ADAMTS4: variants seen among roughly 807,000 people sequenced by gnomAD.
ADAMTS4 encodes ADAM metallopeptidase with thrombospondin type 1 motif 4.
In ADAMTS4, 38 loss-of-function variants were observed where a neutral mutation model predicts 66.7. The observed-to-expected ratio is 0.57, with a 90% CI of 0.44 to 0.75. The LOEUF (loss-of-function observed/expected upper bound fraction) is 0.75. Among genes scored for constraint, ADAMTS4 ranks in the 30% least tolerant of loss-of-function variants. ADAMTS4 has a pLI of 0.00. For missense variants in ADAMTS4, 1,014 were observed against 1,116.7 expected (o/e 0.91, Z 1.31); for synonymous variants, 418 against 461.5 (o/e 0.91, Z 1.21).
rs1664656003 is a variant in ADAMTS4 at position 161,190,949 on chromosome 1, A to G, written c.*189T>C. ...GTCAGCCCCTTCCATCCACTAACCC[A>G]TCACTGCCTCCCAGGGCAGGAAACC... is the stretch of plus-strand genomic sequence containing the variant. On this transcript the variant is annotated 3_prime_UTR_variant, in exon 9 of 9. Transcript: ENST00000367996. 1.6e-6 allele frequency: 1 copy of G among 616,270 alleles called. No homozygotes were observed. Among genetic ancestry groups the G allele is most frequent in the Non-Finnish European group, 2.7e-6 (1 of 376,364 alleles). 38.2% of individuals were successfully genotyped at this position (616,270 alleles called of 1,614,324 possible).
In ADAMTS4 at chr1:161,184,756, C is replaced by T. The variant is rs1664506662; in HGVS notation, c.*6382G>A. ...TGTGTTGGCCAGGCACCCTGGCTCA[C>T]ACCTGTAATCCCAGCACTTTGGGAG... On this transcript the variant is annotated 3_prime_UTR_variant, in exon 9 of 9. Transcript: ENST00000367996. The T allele has an allele frequency of 6.6e-6, 1 of 152,160 alleles. No individual in the cohort carries two copies. Among genetic ancestry groups the T allele is most frequent in the Non-Finnish European group, 1.5e-5 (1 of 68,038 alleles). The allele number at this position is 152,160 out of a possible 1,614,324, so 9.4% of individuals were successfully genotyped here. A position where few individuals can be genotyped will look rare whatever the true frequency, so the allele number is the denominator to read the frequency against.
intron 3 of ADAMTS4, 135 bp from the exon 4 acceptor site, chr1:161,195,770 A>G (rs909280652): frequency 1.6e-5 from 13 of 830,974 alleles, no homozygotes; most frequent in Middle Eastern, 3.3e-4. Context: ...CCTTTCCTTT[A>G]TGGTACTCTC....
chr1:161,193,341 C>T lies in ADAMTS4; in HGVS notation c.1783G>A (p.Asp595Asn), dbSNP rs1664727065. Residue 595 changes from aspartate (D) to asparagine (N), a missense_variant, in exon 7 of 9, where the codon GAC (aspartate) becomes AAC (asparagine). Coordinates refer to ENST00000367996, the MANE Select transcript of ADAMTS4 (RefSeq NM_005099.6). This position sits in a 1 kb window ranked among gnomAD's most constrained non-coding sequence, Gnocchi z 4.4. ...EQCAAYNHRT[D>N]LFKSFPGPMD... ...GGCCCTGGGAAGCTCTTGAAGAGGT[C>T]GGTGCGGTGGTTGTAGGCAGCACAC... is the stretch of plus-strand genomic sequence containing the variant. The T allele has an allele frequency of 8.1e-6, 13 of 1,613,982 alleles. No individual in the cohort carries two copies. Among genetic ancestry groups the T allele is most frequent in the East Asian group, 4.5e-5 (2 of 44,882 alleles).
rs781152168 is a variant in ADAMTS4 at position 161,191,608 on chromosome 1, C to T, written c.2088-44G>A. On this transcript the variant is annotated intron_variant, in intron 8 of 8. Coordinates refer to ENST00000367996, the MANE Select transcript of ADAMTS4 (RefSeq NM_005099.6). ...TGGGGAGCTCAGGATCACCTGAATC[C>T]CCTCAGCCTTCTGAGCTGTGCTTAT... is the stretch of plus-strand genomic sequence containing the variant. 9 of 1,547,158 alleles carry T rather than the reference C, an allele frequency of 5.8e-6. No homozygotes were observed. The African/African-American group carries it at 8.1e-5, about 14-fold the overall frequency.
At position 161,184,320 on chromosome 1, in the gene ADAMTS4, C is replaced by A. The variant is rs2102006480; in HGVS notation, c.*6818G>T. 1 of 152,288 alleles carries A rather than the reference C, an allele frequency of 6.6e-6. No homozygotes were observed. The highest frequency in any genetic ancestry group is 3.4e-3 in the Middle Eastern group (1 of 294). 9.4% of individuals were successfully genotyped at this position (152,288 alleles called of 1,614,324 possible). A position where few individuals can be genotyped will look rare whatever the true frequency, so the allele number is the denominator to read the frequency against. The stretch of plus-strand genomic sequence containing the variant: ...AGAGATATAAGGAAAGGAGAACTGG[C>A]CTTTATTGACCACTTACTAAAAGCC... On this transcript the variant is annotated 3_prime_UTR_variant, in exon 9 of 9. Coordinates refer to ENST00000367996, the MANE Select transcript of ADAMTS4 (RefSeq NM_005099.6).
Position 161,193,966 on chromosome 1 carries a change from C to A in ADAMTS4, c.1517G>T (p.Cys506Phe). Residue 506 changes from cysteine (C) to phenylalanine (F), a missense_variant, in exon 5 of 9, where the codon TGC (cysteine) becomes TTC (phenylalanine). Coordinates refer to ENST00000367996, the MANE Select transcript of ADAMTS4 (RefSeq NM_005099.6). The surrounding 1 kb of genome is among the most constrained non-coding windows in gnomAD (Gnocchi z 4.4). ...GTCCTGGAGCTGGTCCATGTGGAGG[C>A]AGCGACCACCCATGCAGGCCTGTGC... ...GPAQACMGGR[C>F]LHMDQLQDFN... 1 of 1,593,730 alleles carries A rather than the reference C, an allele frequency of 6.3e-7. No homozygotes were observed. The highest frequency in any genetic ancestry group is 8.6e-7 in the Non-Finnish European group (1 of 1,166,606).
chr1:161,185,746 T>C lies in ADAMTS4; in HGVS notation c.*5392A>G, dbSNP rs1664530904. 1 of 152,194 alleles carries C rather than the reference T, an allele frequency of 6.6e-6. No homozygotes were observed. Among genetic ancestry groups the C allele is most frequent in the Non-Finnish European group, 1.5e-5 (1 of 68,036 alleles). The allele number at this position is 152,194 out of a possible 1,614,324, so 9.4% of individuals were successfully genotyped here. A position where few individuals can be genotyped will look rare whatever the true frequency, so the allele number is the denominator to read the frequency against. On this transcript the variant is annotated 3_prime_UTR_variant, in exon 9 of 9. Transcript: ENST00000367996. ...TGTATGAAGATTACAGAAATGAGAC[T>C]AGAGATGGAAGAGAAGTGTAAATGC...
At position 161,192,108 on chromosome 1, in the gene ADAMTS4, C is replaced by T. The variant is rs3134667; in HGVS notation, c.2044G>A (p.Gly682Ser). The T allele has an allele frequency of 4.3e-5, 70 of 1,613,950 alleles. No homozygotes were observed. In the East Asian group the frequency reaches 1.1e-3, roughly 25 times the overall value. ...FDKCMVCGGD[G>S]SGCSKQSGSF... ...CCTGACTGCTTGCTGCAACCAGAACCGTCCCCTCCGCACACCATGCACTTG... is the reference window on the plus strand; with the variant it reads ...CCTGACTGCTTGCTGCAACCAGAACTGTCCCCTCCGCACACCATGCACTTG... The change falls in exon 8 of 9, where the codon GGT becomes AGT. Residue 682 changes from glycine to serine, a missense_variant. Transcript: ENST00000367996.
In ADAMTS4 at chr1:161,192,104, GA is replaced by G; in HGVS notation, c.2047del (p.Ser683LeufsTer47). On this transcript the variant is annotated frameshift_variant, in exon 8 of 9. Transcript: ENST00000367996. LOFTEE classifies it low-confidence loss of function (END_TRUNC). ...GGAGCCTGACTGCTTGCTGCAACCAGAACCGTCCCCTCCGCACACCATGCAC... is the reference window on the plus strand; with the variant it reads ...GGAGCCTGACTGCTTGCTGCAACCAGACCGTCCCCTCCGCACACCATGCAC... ...DKCMVCGGDG[S>X]GCSKQSGSFR... is the part of the protein sequence containing the mutation. The G allele has an allele frequency of 6.2e-7, 1 of 1,614,078 alleles. No individual in the cohort carries two copies. Among genetic ancestry groups the G allele is most frequent in the Non-Finnish European group, 8.5e-7 (1 of 1,180,032 alleles).
At position 161,198,490 on chromosome 1, in the gene ADAMTS4, C is replaced by T; in HGVS notation, c.138G>A (p.Leu46=). 6.4e-7 allele frequency: 1 copy of T among 1,568,106 alleles called. No individual in the cohort carries two copies. The highest frequency in any genetic ancestry group is 1.2e-5 in the South Asian group (1 of 85,996). Reference sequence around the variant, plus strand: ...GGGGGCTGGCCAGCCGGGCTGAGGGCAGGAGAGAGGCCAGCAGTAGCAGAA... The same window carrying T: ...GGGGGCTGGCCAGCCGGGCTGAGGGTAGGAGAGAGGCCAGCAGTAGCAGAA... ...WLLLLLLASL[L]PSARLASPLP... Residue 46 remains leucine, a synonymous_variant, in exon 1 of 9, where the codon CTG becomes CTA. Coordinates refer to ENST00000367996, the MANE Select transcript of ADAMTS4 (RefSeq NM_005099.6). The surrounding 1 kb of genome is among the most constrained non-coding windows in gnomAD (Gnocchi z 4.7).
rs1196395275 is a variant in ADAMTS4, at chr1:161,186,879, T to C, written c.*4259A>G. ...AGCTGGGTGTGGTAGCTCGTGCCTG[T>C]AGTCCTAGGTACTCAGGAGGTTGAG... On this transcript the variant is annotated 3_prime_UTR_variant, in exon 9 of 9. Transcript: ENST00000367996. 1 of 152,038 alleles carries C rather than the reference T, an allele frequency of 6.6e-6. No homozygotes were observed. Among genetic ancestry groups the C allele is most frequent in the African/African-American group, 2.4e-5 (1 of 41,386 alleles). The allele number at this position is 152,038 out of a possible 1,614,324, so 9.4% of individuals were successfully genotyped here.
intron 1 of ADAMTS4, 98 bp downstream of exon 1, chr1:161,197,897 G>A (rs1224899447): frequency 5.4e-6 from 8 of 1,487,778 alleles, no homozygotes; most frequent in East Asian, 4.6e-5. Context: ...GAAGCAGAAC[G>A]GCCAGAAGTG....
Position 161,194,310 on chromosome 1 carries a change from G to A in ADAMTS4, c.1262-89C>T. On this transcript the variant is annotated intron_variant, in intron 4 of 8. Transcript: ENST00000367996. The surrounding 1 kb of genome is among the most constrained non-coding windows in gnomAD (Gnocchi z 4.1). ...AGAAAGCTTAGGCTCCCTGGGGCCT[G>A]ATGGAGCCTAGAAAAACAATCCTAG... 7.9e-7 allele frequency: 1 copy of A among 1,267,954 alleles called. No individual in the cohort carries two copies. Among genetic ancestry groups the A allele is most frequent in the Non-Finnish European group, 1.1e-6 (1 of 908,284 alleles). 78.5% of individuals were successfully genotyped at this position (1,267,954 alleles called of 1,614,324 possible). A position where few individuals can be genotyped will look rare whatever the true frequency, so the allele number is the denominator to read the frequency against.
rs747959527 is a variant in ADAMTS4 at position 161,198,348 on chromosome 1, G to T, written c.280C>A (p.Leu94Ile). 16 of 1,613,168 alleles carry T rather than the reference G, an allele frequency of 9.9e-6. No individual in the cohort carries two copies. The highest frequency in any genetic ancestry group is 1.3e-5 in the African/African-American group (1 of 74,934). The change falls in exon 1 of 9, where the codon CTA becomes ATA. Residue 94 changes from leucine (L) to isoleucine (I), a missense_variant. Physicochemically the swap from Leu to Ile is conservative, Grantham distance 5. Coordinates refer to ENST00000367996, the MANE Select transcript of ADAMTS4 (RefSeq NM_005099.6). The surrounding 1 kb of genome is among the most constrained non-coding windows in gnomAD (Gnocchi z 4.7). ...ACACCGGAGTCCTGCTCCAGCTCTAGTAGCAGCGTCTCCCCAAAGGCCTGC... is the reference window on the plus strand; with the variant it reads ...ACACCGGAGTCCTGCTCCAGCTCTATTAGCAGCGTCTCCCCAAAGGCCTGC... The part of the protein sequence containing the change: ...RLQAFGETLL[L>I]ELEQDSGVQV...
Position 161,193,100 on chromosome 1 carries a change from G to T in ADAMTS4, c.1911+113C>A. 8.2e-7 allele frequency: 1 copy of T among 1,222,060 alleles called. No homozygotes were observed. The highest frequency in any genetic ancestry group is 1.1e-6 in the Non-Finnish European group (1 of 892,118). The allele number at this position is 1,222,060 out of a possible 1,614,324, so 75.7% of individuals were successfully genotyped here. A position where few individuals can be genotyped will look rare whatever the true frequency, so the allele number is the denominator to read the frequency against. ...TCTGAGTGGAATCCTGGACTGGGCT[G>T]GCGTGGCTGTAGGAACAGGGTTACT... is the stretch of plus-strand genomic sequence containing the variant. On this transcript the variant is annotated intron_variant, in intron 7 of 8. Coordinates refer to ENST00000367996, the MANE Select transcript of ADAMTS4 (RefSeq NM_005099.6). The surrounding 1 kb of genome is among the most constrained non-coding windows in gnomAD (Gnocchi z 4.4).
chr1:161,191,471 C>T lies in ADAMTS4; in HGVS notation c.2181G>A (p.Leu727=), dbSNP rs1346400249. 1 of 1,614,166 alleles carries T rather than the reference C, an allele frequency of 6.2e-7. No homozygotes were observed. The highest frequency in any genetic ancestry group is 1.3e-5 in the African/African-American group (1 of 75,056). ...AGGAGCCATCTGGCAGCTTCAGGGC[C>T]AAGTAGATGCTCCGGTGGCCAGGGT... ...QGNPGHRSIY[L]ALKLPDGSYA... The change falls in exon 9 of 9, where the codon TTG becomes TTA. Residue 727 remains leucine, a synonymous_variant. Coordinates refer to ENST00000367996, the MANE Select transcript of ADAMTS4 (RefSeq NM_005099.6).
rs150301048 is a variant in ADAMTS4, at chr1:161,198,377, C to T, written c.251G>A (p.Arg84His). ...CAGCGTCTCCCCAAAGGCCTGCAAGCGGCACAACAGCCTGGCAGGGGCGCC... is the reference window on the plus strand; with the variant it reads ...CAGCGTCTCCCCAAAGGCCTGCAAGTGGCACAACAGCCTGGCAGGGGCGCC... ...GSGAPARLLCRLQAFGETLLL... is the reference protein window; with the variant it reads ...GSGAPARLLCHLQAFGETLLL... The change falls in exon 1 of 9, where the codon CGC becomes CAC. Residue 84 changes from arginine (R) to histidine (H), a missense_variant. Coordinates refer to ENST00000367996, the MANE Select transcript of ADAMTS4 (RefSeq NM_005099.6). This position sits in a 1 kb window ranked among gnomAD's most constrained non-coding sequence, Gnocchi z 4.7. 7.3e-5 allele frequency: 117 copies of T among 1,612,580 alleles called. No homozygotes were observed. The highest frequency in any genetic ancestry group is 6.3e-4 in the Admixed American group (38 of 59,924).
rs148385833 is a variant in ADAMTS4, at chr1:161,196,625, G to A, written c.889C>T (p.Arg297Trp). 26 of 1,614,188 alleles carry A rather than the reference G, an allele frequency of 1.6e-5. No individual in the cohort carries two copies. The highest frequency in any genetic ancestry group is 4.0e-5 in the African/African-American group (3 of 75,054). Residue 297 changes from arginine (R) to tryptophan (W), a missense_variant, in exon 2 of 9, where the codon CGG (arginine) becomes TGG (tryptophan). Arg to Trp is a moderately radical substitution (Grantham distance 101). Coordinates refer to ENST00000367996, the MANE Select transcript of ADAMTS4 (RefSeq NM_005099.6). ...GAGTCCTCAGGGGTGTTGAGGCCCC[G>A]CTGCCAGGCACAGAAGCTGCGCAGG... is the stretch of plus-strand genomic sequence containing the variant. ...QTLRSFCAWQ[R>W]GLNTPEDSDP...
In ADAMTS4 at chr1:161,188,125, A is replaced by AT. The variant is rs1271238993; in HGVS notation, c.*3012dup. The stretch of plus-strand genomic sequence containing the variant: ...CCACCACACCTGGCTAATTTTTTGT[A>AT]TTTTTTTTTTAGTAGAGATGGGGTT... On this transcript the variant is annotated 3_prime_UTR_variant, in exon 9 of 9. Coordinates refer to ENST00000367996, the MANE Select transcript of ADAMTS4 (RefSeq NM_005099.6). The AT allele has an allele frequency of 1.6e-3, 195 of 118,440 alleles. 1 individual carries two copies. Among genetic ancestry groups the AT allele is most frequent in the African/African-American group, 4.8e-3 (149 of 30,992 alleles). 7.3% of individuals were successfully genotyped at this position (118,440 alleles called of 1,614,324 possible).
Sources: allele counts gnomAD v4.1 joint callset, GRCh38; gene constraint gnomAD v4.1.1; non-coding constraint Gnocchi (gnomAD v3.1); transcripts MANE v1.5; gene names NCBI Gene and HGNC (gene_info 2026-07-23, HGNC 2026-07-21).